The following POLR1D variants were observed in gnomAD, a reference collection of about 807,000 sequenced individuals.
POLR1D encodes the protein RNA polymerase I and III subunit D, also known as DNA-directed RNA polymerases I and III subunit RPAC2.
Under a neutral mutation model 10.8 loss-of-function variants are expected in POLR1D, and 8 were observed. The observed-to-expected ratio is 0.74, with a 90% CI of 0.43 to 1.33. The LOEUF (loss-of-function observed/expected upper bound fraction) is 1.33. POLR1D is among the 40% of genes most tolerant of loss of function. The pLI is 0.01. For synonymous variants in POLR1D, 54 were observed against 57.2 expected (o/e 0.94, Z 0.25); for missense variants, 152 against 161.7 (o/e 0.94, Z 0.32).
intron 2 of POLR1D, among the ~76,000 whole-genome samples, chr13:27,655,298 T>C (rs1472768448): frequency 1.3e-5 from 2 of 152,204 alleles, no homozygotes; most frequent in African/African-American, 4.8e-5. Flanking sequence ...GAAAATTAAT[T>C]GTAGGCATCT....
At position 27,633,412 on chromosome 13, in the gene POLR1D, A is replaced by G. The variant is rs559254140; in HGVS notation, c.26+11403A>G. The stretch of plus-strand genomic sequence containing the variant: ...GGATTTGGGGAATTCCCAGACCGAT[A>G]ATATTTCAAAAAAATCTAATGGGGT... On this transcript the variant is annotated intron_variant, in intron 1 of 2. Transcript: ENST00000399697. Among the ~76,000 whole-genome samples the G allele has an allele frequency of 3.9e-5, 6 of 152,322 alleles. No homozygotes were observed. In the East Asian group the frequency reaches 1.2e-3, roughly 29 times the overall value.
At chr13:27,654,393 T>A (rs1004858745) in intron 2 of POLR1D, among the ~76,000 whole-genome samples, 2 of 152,234 alleles carry the variant, frequency 1.3e-5, no homozygotes, top group Admixed American at 6.5e-5. Flanking sequence ...ATAATATTTT[T>A]AAAATCACAT....
intron 1 of POLR1D, among the ~76,000 whole-genome samples, chr13:27,635,485 A>G (rs925417641): frequency 6.6e-6 from 1 of 152,192 alleles, no homozygotes; most frequent in East Asian, 1.9e-4. Flanking sequence ...TGCCTAAACA[A>G]TAAAAGGGAA....
rs1330175686 is a variant in POLR1D, at chr13:27,622,866, T to C, written c.27-9T>C. On this transcript the variant is annotated splice_polypyrimidine_tract_variant and intron_variant, in intron 1 of 1. Coordinates refer to ENST00000302979, the MANE Select transcript of POLR1D (RefSeq NM_015972.4). Reference sequence around the variant, plus strand: ...TATGATCTCATTTTTATAAAAAATATGTGTGTAGAAAAATATCTGGATTGA... The same window carrying C: ...TATGATCTCATTTTTATAAAAAATACGTGTGTAGAAAAATATCTGGATTGA... 21 of 1,576,942 alleles carry C rather than the reference T, an allele frequency of 1.3e-5. No homozygotes were observed. The highest frequency in any genetic ancestry group is 1.8e-5 in the Non-Finnish European group (21 of 1,146,770).
At chr13:27,665,866 C>G in exon 3 of POLR1D, 1 of 1,614,126 alleles carries the variant, frequency 6.2e-7, no homozygotes, top group South Asian at 1.1e-5. Context: ...ACAAGCACAG[C>G]TTCCGCGCTC....
intron 1 of POLR1D, chr13:27,622,487 T>G: frequency 3.3e-6 from 1 of 303,652 alleles, no homozygotes; most frequent in Non-Finnish European, 6.2e-6. Flanking sequence ...ATCATCTGTA[T>G]CCTCTATTTT....
chr13:27,641,238 G>T (rs534837323), intron 1 of POLR1D, among the ~76,000 whole-genome samples: 2 of 152,112 alleles, frequency 1.3e-5, no homozygotes, highest in Admixed American at 6.5e-5. Flanking sequence ...CTCTCTTAGC[G>T]TTTGCTTGAC....
At position 27,621,925 on chromosome 13, in the gene POLR1D, T is replaced by G; in HGVS notation, c.-59T>G. On this transcript the variant is annotated 5_prime_UTR_variant, in exon 1 of 2. Coordinates refer to ENST00000302979, the MANE Select transcript of POLR1D (RefSeq NM_015972.4). ...CCTGCTTCGCCTCCGCGCCTCGCGC[T>G]ATGGGACAGAGCCCCCGATCCGCCA... 1 of 1,555,416 alleles carries G rather than the reference T, an allele frequency of 6.4e-7. No individual in the cohort carries two copies.
intron 1 of POLR1D, among the ~76,000 whole-genome samples, chr13:27,641,047 T>G (rs1343844290): frequency 6.6e-6 from 1 of 152,232 alleles, no homozygotes; most frequent in Non-Finnish European, 1.5e-5. Context: ...TTCATTGTAT[T>G]GTTATTTTTT....
Position 27,665,945 on chromosome 13 carries a change from C to A in POLR1D, c.361C>A (p.Arg121=), listed in dbSNP as rs141057739. The A allele has an allele frequency of 4.5e-5, 72 of 1,613,922 alleles. No homozygotes were observed. Among genetic ancestry groups the A allele is most frequent in the Non-Finnish European group, 5.4e-5 (64 of 1,179,988 alleles). ...GGACAAGTACGAAAAGCGGTCCAAC[C>A]GGCGGTGAGGCTGGAACCAGGGCCA... The change falls in exon 3 of 3, where the codon CGG becomes AGG. Residue 121 remains arginine, a synonymous_variant. Coordinates refer to the POLR1D transcript ENST00000399697.
downstream of POLR1D, among the ~76,000 whole-genome samples, chr13:27,624,301 TA>T (rs2138521140): frequency 6.6e-6 from 1 of 152,328 alleles, no homozygotes; most frequent in East Asian, 1.9e-4. Context: ...GTTTACCCAC[TA>T]AACCAACTTG....
chr13:27,635,599 GTCTA>G (rs949430772), intron 1 of POLR1D, among the ~76,000 whole-genome samples: 33 of 151,406 alleles, frequency 2.2e-4, no homozygotes, highest in South Asian at 6.2e-4. Flanking sequence ...ACTATCAATA[GTCTA>G]TCTATGATTA....
intron 2 of POLR1D, among the ~76,000 whole-genome samples, chr13:27,656,822 T>TAA (rs11408115): frequency 6.6e-6 from 1 of 151,964 alleles, no homozygotes; most frequent in South Asian, 2.1e-4. Flanking sequence ...ATTTTGATAG[T>TAA]AAAAAAAGGG....
At chr13:27,621,075 T>G (rs1319938187), upstream of POLR1D, 1 of 153,352 alleles carries the variant, frequency 6.5e-6, no homozygotes, top group Non-Finnish European at 1.4e-5. Context: ...CGCAGGGAGC[T>G]GGATGGAGAG....
intron 1 of POLR1D, chr13:27,646,363 T>C (rs1219219651): frequency 1.3e-5 from 2 of 152,182 alleles, no homozygotes. Flanking sequence ...TTAGGATAAA[T>C]TTTGCTTGAA....
chr13:27,662,328 A>G lies in POLR1D; in HGVS notation c.102-3358A>G, dbSNP rs567299160. Among the ~76,000 whole-genome samples, 8 of 151,828 alleles carry G rather than the reference A, an allele frequency of 5.3e-5. No individual in the cohort carries two copies. In the South Asian group the frequency reaches 1.7e-3, roughly 32 times the overall value. ...AATTTTAGATATTTTTACATTTTAG[A>G]AAGGTATTACAGCACAGATAGCATG... On this transcript the variant is annotated intron_variant, in intron 2 of 2. Transcript: ENST00000399697.
At chr13:27,665,949 G>A (rs770058121) in exon 3 of POLR1D, 4 of 1,613,998 alleles carry the variant, frequency 2.5e-6, no homozygotes, top group Admixed American at 1.7e-5. Context: ...TCCAACCGGC[G>A]GTGAGGCTGG....
chr13:27,657,930 C>T (rs1175995625), intron 2 of POLR1D, among the ~76,000 whole-genome samples: 1 of 152,204 alleles, frequency 6.6e-6, no homozygotes, highest in African/African-American at 2.4e-5. Context: ...GAAAGGAGGT[C>T]TGGACCCATG....
Position 27,623,330 on chromosome 13 carries a change from G to GTGGTTACAGCATACTCTGTCCTTCT in POLR1D, c.*104_*105insTTGGTTACAGCATACTCTGTCCTTC, listed in dbSNP as rs1955972797. The GTGGTTACAGCATACTCTGTCCTTCT allele has an allele frequency of 2.2e-5, 35 of 1,596,054 alleles. 1 individual carries two copies. The South Asian group carries it at 3.6e-4, about 16-fold the overall frequency. On this transcript the variant is annotated 3_prime_UTR_variant, in exon 2 of 2. Transcript: ENST00000302979. ...GTGCAGAACCCAGAATTAGAAGTTTGTGGTTACAGCATACTCTGTCCTTCA... is the reference window on the plus strand; with the variant it reads ...GTGCAGAACCCAGAATTAGAAGTTTGTGGTTACAGCATACTCTGTCCTTCTTGGTTACAGCATACTCTGTCCTTCA...
Sources: gnomAD v4.1 joint callset for allele counts (sites outside exome capture counted in the v4.1 genomes callset) on GRCh38, gnomAD v4.1.1 for gene constraint, MANE v1.5 for transcripts, NCBI Gene and HGNC (gene_info 2026-07-23, HGNC 2026-07-21) for gene names.